The following RGS12 variants were observed in gnomAD, a reference collection of about 807,000 sequenced individuals.
The protein encoded by RGS12 is regulator of G-protein signaling 12.
In RGS12, 66 loss-of-function variants were observed where a neutral mutation model predicts 120.1. The ratio of observed to expected loss-of-function variants is 0.55; its 90% confidence interval spans 0.45 to 0.67. RGS12 has a LOEUF of 0.67. Ranked by LOEUF, RGS12 falls within the 30% of genes least tolerant of loss-of-function variation. The pLI, the probability that RGS12 is intolerant of heterozygous loss-of-function variation, is 0.00. For synonymous variants in RGS12, 827 were observed against 804.7 expected, an observed-to-expected ratio of 1.03 and a Z score of -0.47; for missense variants, 1,859 against 1,957.7, an observed-to-expected ratio of 0.95 and a Z score of 0.95.
chr4:3,434,728 A>G (rs1333772046), intron 17 of RGS12, among the ~76,000 whole-genome samples: 1 of 152,190 alleles, frequency 6.6e-6, no homozygotes, highest in East Asian at 1.9e-4. Context: ...TGTACGCGCC[A>G]TCTTAAAACG....
chr4:3,417,279 C>A, intron 8 of RGS12, 109 bp from the exon 9 acceptor site: 1 of 1,340,920 alleles, frequency 7.5e-7, no homozygotes, highest in Non-Finnish European at 1.0e-6. Context: ...AGAAGTGATA[C>A]CATCCCATAG....
chr4:3,391,480 A>C (rs1412260822), intron 4 of RGS12, among the ~76,000 whole-genome samples: 1 of 152,212 alleles, frequency 6.6e-6, no homozygotes, highest in Non-Finnish European at 1.5e-5. Flanking sequence ...CCTGTGCCTG[A>C]GAATTGACTC....
intron 13 of RGS12, 98 bp downstream of exon 13, chr4:3,423,739 C>G: frequency 7.0e-7 from 1 of 1,427,634 alleles, no homozygotes; most frequent in Non-Finnish European, 9.4e-7. Flanking sequence ...CACCAAGAAG[C>G]GGTGTCTTCC....
chr4:3,297,001 C>T (rs1254853163), intron 1 of RGS12, among the ~76,000 whole-genome samples: 1 of 152,232 alleles, frequency 6.6e-6, no homozygotes, highest in Non-Finnish European at 1.5e-5. Context: ...CTAGATTCTT[C>T]CATGAAGGAG....
chr4:3,331,559 A>G (rs1235626303), intron 2 of RGS12, among the ~76,000 whole-genome samples: 1 of 152,176 alleles, frequency 6.6e-6, no homozygotes, highest in Non-Finnish European at 1.5e-5. Context: ...GGTTCAGCAC[A>G]TAGATTTTAC....
intron 4 of RGS12, among the ~76,000 whole-genome samples, chr4:3,407,810 C>T (rs1721319810): frequency 1.3e-5 from 2 of 152,238 alleles, no homozygotes; most frequent in Admixed American, 6.5e-5. Context: ...TGTTACAGAA[C>T]TAACTGCAAA....
rs765089105 is a variant in RGS12 at position 3,316,367 on chromosome 4, C to T, written c.197C>T (p.Ala66Val). The change falls in exon 2 of 18, where the codon GCT becomes GTT. Residue 66 changes from alanine to valine, a missense_variant. Coordinates refer to ENST00000336727, the MANE Select transcript of RGS12 (RefSeq NM_001394154.1). ...CTCCGAGCTGGAGACCAGATACTTG[C>T]TGTCAATGAAATCAACGTGAAAAAA... ...VGLRAGDQIL[A>V]VNEINVKKAS... 5.6e-6 allele frequency: 9 copies of T among 1,613,604 alleles called. No homozygotes were observed. The highest frequency in any genetic ancestry group is 1.7e-5 in the Admixed American group (1 of 59,930).
At chr4:3,431,523 C>G (rs1467590251) in intron 17 of RGS12, 1 of 986,348 alleles carries the variant, frequency 1.0e-6, no homozygotes, top group Non-Finnish European at 1.2e-6. Context: ...GCAGCGCTCT[C>G]TGACCGCGGG....
chr4:3,414,965 TGA>T (rs969392731), intron 6 of RGS12, 121 bp downstream of exon 6: 20 of 564,752 alleles, frequency 3.5e-5, no homozygotes, highest in South Asian at 1.9e-4. Context: ...GTGAGGGGCG[TGA>T]GAGGGGCGTG....
chr4:3,294,922 G>C (rs1723281095), intron 1 of RGS12, among the ~76,000 whole-genome samples: 1 of 152,166 alleles, frequency 6.6e-6, no homozygotes, highest in African/African-American at 2.4e-5. Flanking sequence ...ACTGACCTGT[G>C]GAGTGCTCAG....
At chr4:3,425,436 A>G (rs1251523091) in intron 13 of RGS12, 28 bp from the exon 14 acceptor site, 7 of 1,585,694 alleles carry the variant, frequency 4.4e-6, no homozygotes, top group Non-Finnish European at 6.1e-6. Context: ...AGTCTGGGTA[A>G]ATTATTCAGT....
At chr4:3,375,287 C>T (rs1717529179) in intron 3 of RGS12, among the ~76,000 whole-genome samples, 1 of 137,368 alleles carries the variant, frequency 7.3e-6, no homozygotes. Context: ...TCATCTCCAG[C>T]CCTCATCTCC....
At chr4:3,423,010 G>T in intron 12 of RGS12, 32 bp downstream of exon 12, 1 of 1,582,098 alleles carries the variant, frequency 6.3e-7, no homozygotes, top group African/African-American at 1.3e-5. Flanking sequence ...TTCACCTGAG[G>T]CTCCCAGAGC....
chr4:3,288,206 G>A (rs1205538336), upstream of RGS12, among the ~76,000 whole-genome samples: 1 of 152,130 alleles, frequency 6.6e-6, no homozygotes, highest in Non-Finnish European at 1.5e-5. This position sits in a 1 kb window ranked among gnomAD's most constrained non-coding sequence, Gnocchi z 5.2. Context: ...GGGTGTGTGG[G>A]GTCTGGTGGG....
At chr4:3,385,040 G>T (rs1456517632) in intron 3 of RGS12, 2 of 152,536 alleles carry the variant, frequency 1.3e-5, no homozygotes, top group African/African-American at 4.8e-5. Context: ...CACGGTAGGG[G>T]CAGCAGCTGG....
intron 2 of RGS12, among the ~76,000 whole-genome samples, chr4:3,332,638 A>G (rs759764929): frequency 7.9e-5 from 12 of 152,178 alleles, no homozygotes; most frequent in Non-Finnish European, 1.6e-4. Flanking sequence ...CGCCTACTCA[A>G]ACCTTTTGGT....
At chr4:3,422,796 T>G in intron 11 of RGS12, 109 bp from the exon 12 acceptor site, 1 of 1,108,524 alleles carries the variant, frequency 9.0e-7, no homozygotes, top group Non-Finnish European at 1.4e-6. Flanking sequence ...GATGGCTGTT[T>G]TTGAAGCTGC....
intron 4 of RGS12, among the ~76,000 whole-genome samples, chr4:3,400,163 G>T (rs1410991766): frequency 6.6e-6 from 1 of 152,212 alleles, no homozygotes; most frequent in Non-Finnish European, 1.5e-5. Context: ...GCATATTCCT[G>T]ATACCAATAT....
upstream of RGS12, among the ~76,000 whole-genome samples, chr4:3,288,174 C>T (rs558890964): frequency 1.2e-4 from 18 of 152,302 alleles, no homozygotes; most frequent in South Asian, 3.1e-3. This position sits in a 1 kb window ranked among gnomAD's most constrained non-coding sequence, Gnocchi z 5.2. Context: ...GTGCGCAGAC[C>T]CCCAAGAGTG....
Sources: allele counts gnomAD v4.1 joint callset (sites outside exome capture counted in the v4.1 genomes callset), GRCh38; gene constraint gnomAD v4.1.1; non-coding constraint Gnocchi (gnomAD v3.1); transcripts MANE v1.5; gene names NCBI Gene and HGNC (gene_info 2026-07-23, HGNC 2026-07-21).